FBXL13: variants seen among roughly 807,000 people sequenced by gnomAD.
The protein encoded by FBXL13 is F-box and leucine-rich repeat protein 13.
In FBXL13, 67 loss-of-function variants were observed where a neutral mutation model predicts 83.6. That is an observed-to-expected ratio of 0.80 (90% CI 0.66 to 0.98). The LOEUF (loss-of-function observed/expected upper bound fraction) is 0.98. Ranked by LOEUF, FBXL13 falls within the 50% of genes least tolerant of loss-of-function variation. FBXL13 has a pLI of 0.00. For synonymous variants in FBXL13, 272 were observed against 299.5 expected (o/e 0.91, Z 0.95); for missense variants, 822 against 866.5 (o/e 0.95, Z 0.64).
At chr7:102,874,856 C>T (rs781710350) in intron 16 of FBXL13, among the ~76,000 whole-genome samples, 15 of 152,176 alleles carry the variant, frequency 9.9e-5, no homozygotes, top group African/African-American at 3.6e-4. Flanking sequence ...CATGAGCCAT[C>T]GTGCCTGGCC....
At chr7:103,055,155 A>G in intron 2 of FBXL13, 1 of 1,289,098 alleles carries the variant, frequency 7.8e-7, no homozygotes, top group Non-Finnish European at 1.0e-6. Flanking sequence ...GTTTGGTTTC[A>G]TTGATGGAGT....
chr7:103,055,811 G>T, intron 1 of FBXL13, 64 bp from the exon 2 acceptor site: 1 of 670,754 alleles, frequency 1.5e-6, no homozygotes, highest in Non-Finnish European at 2.2e-6. Flanking sequence ...TAAGCAGCAC[G>T]TAACTTTTTA....
At chr7:102,994,303 TA>T (rs1226483491) in intron 6 of FBXL13, among the ~76,000 whole-genome samples, 8 of 152,138 alleles carry the variant, frequency 5.3e-5, no homozygotes, top group Non-Finnish European at 1.0e-4. Context: ...TTAGTAACTT[TA>T]AAAAAGTTAC....
intron 6 of FBXL13, chr7:102,976,246 TTTAA>T: frequency 1.4e-6 from 1 of 719,894 alleles, no homozygotes; most frequent in South Asian, 1.4e-5. Flanking sequence ...CCAGTATGTT[TTTAA>T]AATTAATACC....
intron 6 of FBXL13, among the ~76,000 whole-genome samples, chr7:102,974,433 A>C (rs1026101728): frequency 2.6e-5 from 4 of 152,146 alleles, no homozygotes; most frequent in African/African-American, 9.7e-5. Flanking sequence ...GCCTCAGGCA[A>C]GATATCCATC....
intron 8 of FBXL13, among the ~76,000 whole-genome samples, chr7:102,947,973 C>A (rs950712273): frequency 4.6e-5 from 7 of 152,110 alleles, no homozygotes; most frequent in African/African-American, 1.7e-4. Flanking sequence ...CCTCTGGAGC[C>A]TATGCCCTGG....
chr7:103,020,671 C>G (rs975137210), intron 6 of FBXL13, among the ~76,000 whole-genome samples: 3 of 152,202 alleles, frequency 2.0e-5, no homozygotes, highest in African/African-American at 7.2e-5. Context: ...AAAACACAAG[C>G]ATTCCTATAC....
intron 16 of FBXL13, among the ~76,000 whole-genome samples, chr7:102,871,470 T>C (rs1213571851): frequency 6.6e-6 from 1 of 151,954 alleles, no homozygotes; most frequent in South Asian, 2.1e-4. Context: ...ACTGCAGGCT[T>C]GACCTCCCGG....
At chr7:102,946,621 T>C (rs1417180533) in intron 8 of FBXL13, among the ~76,000 whole-genome samples, 3 of 152,054 alleles carry the variant, frequency 2.0e-5, no homozygotes, top group African/African-American at 7.2e-5. Flanking sequence ...CTTCAGTAAA[T>C]AACTCTGGAT....
intron 16 of FBXL13, among the ~76,000 whole-genome samples, chr7:102,873,656 G>A (rs1202168855): frequency 6.6e-6 from 1 of 152,154 alleles, no homozygotes; most frequent in African/African-American, 2.4e-5. Flanking sequence ...GTCCTTCCAC[G>A]GTCCAAAGAG....
At chr7:103,048,202 G>A (rs542838333) in intron 2 of FBXL13, among the ~76,000 whole-genome samples, 2 of 151,842 alleles carry the variant, frequency 1.3e-5, no homozygotes, top group African/African-American at 2.4e-5. Context: ...ATTTAATTTT[G>A]GGAAGCCTAT....
chr7:102,937,725 G>T (rs971284403), intron 8 of FBXL13, among the ~76,000 whole-genome samples: 1 of 152,144 alleles, frequency 6.6e-6, no homozygotes, highest in Non-Finnish European at 1.5e-5. Flanking sequence ...GATTGATGAT[G>T]ATAACTGGAC....
chr7:102,930,836 A>G (rs1277808957), intron 9 of FBXL13, among the ~76,000 whole-genome samples: 2 of 152,230 alleles, frequency 1.3e-5, no homozygotes, highest in South Asian at 2.1e-4. Context: ...TGGAATCTCA[A>G]TTCTAGTCAA....
intron 9 of FBXL13, among the ~76,000 whole-genome samples, chr7:102,929,615 G>A (rs1483554167): frequency 7.5e-6 from 1 of 134,218 alleles, no homozygotes; most frequent in African/African-American, 2.8e-5. Context: ...AGTGAGCCAC[G>A]ATGGCACCAC....
At chr7:102,968,444 T>G (rs1826230224) in intron 6 of FBXL13, among the ~76,000 whole-genome samples, 1 of 152,216 alleles carries the variant, frequency 6.6e-6, no homozygotes, top group African/African-American at 2.4e-5. Flanking sequence ...GCTAGAAAAC[T>G]AATGATTTCC....
chr7:102,981,855 G>A (rs550197640), intron 6 of FBXL13, among the ~76,000 whole-genome samples: 9 of 152,200 alleles, frequency 5.9e-5, no homozygotes, highest in South Asian at 2.1e-4. Flanking sequence ...TGAGTTTTGC[G>A]GGACATAAAC....
At chr7:103,066,597 G>C (rs1798417157) in intron 1 of FBXL13, among the ~76,000 whole-genome samples, 3 of 151,496 alleles carry the variant, frequency 2.0e-5, no homozygotes, top group Non-Finnish European at 4.4e-5. Context: ...GTTTTACCTT[G>C]TTAGCCAGGA....
intron 8 of FBXL13, among the ~76,000 whole-genome samples, chr7:102,962,360 T>C (rs541276844): frequency 3.3e-4 from 50 of 152,196 alleles, no homozygotes; most frequent in Admixed American, 7.9e-4. Context: ...TGTGGAGAAA[T>C]AGGAACACTT....
At chr7:102,908,964 C>A (rs1263468436) in intron 11 of FBXL13, among the ~76,000 whole-genome samples, 3 of 152,222 alleles carry the variant, frequency 2.0e-5, no homozygotes, top group South Asian at 2.1e-4. Context: ...GCCAGCCAGG[C>A]CTGTGTCCTC....
Sources: allele counts gnomAD v4.1 joint callset (sites outside exome capture counted in the v4.1 genomes callset), GRCh38; gene constraint gnomAD v4.1.1; transcripts MANE v1.5; gene names NCBI Gene and HGNC (gene_info 2026-07-23, HGNC 2026-07-21).